Variants in ERAP1 observed in about 807,000 individuals in gnomAD.
ERAP1 encodes adipocyte-derived leucine aminopeptidase.
A neutral mutation model predicts 103.7 loss-of-function variants in ERAP1; 86 were observed. That is an observed-to-expected ratio of 0.83 (90% CI 0.70 to 0.99). The LOEUF is 0.99. Ranked by LOEUF, ERAP1 falls within the 50% of genes least tolerant of loss-of-function variation. The pLI, the probability that ERAP1 is intolerant of heterozygous loss-of-function variation, is 0.00. For synonymous variants in ERAP1, 398 were observed against 402.4 expected, an observed-to-expected ratio of 0.99 and a Z score of 0.13; for missense variants, 1,009 against 1,128.4, an observed-to-expected ratio of 0.89 and a Z score of 1.52.
the ERAP1 span, among the ~76,000 whole-genome samples, chr5:96,819,159 C>T: frequency 1.3e-5 from 2 of 151,876 alleles, no homozygotes; most frequent in Non-Finnish European, 2.9e-5. Context: ...CTCTTGACCT[C>T]GTGATCTGCC....
rs746495624 is a variant in ERAP1 at position 96,783,031 on chromosome 5, G to GT, written c.2285+19dup. 18 of 1,612,988 alleles carry GT rather than the reference G, an allele frequency of 1.1e-5. No individual in the cohort carries two copies. In the South Asian group the frequency reaches 1.9e-4, roughly 17 times the overall value. Reference sequence around the variant, plus strand: ...AGATGCCCTTCACATCAACAAATTGGTTATTTAGTAAGGACTGACCTCAAG... The same window carrying GT: ...AGATGCCCTTCACATCAACAAATTGGTTTATTTAGTAAGGACTGACCTCAAG... On this transcript the variant is annotated intron_variant, in intron 15 of 18. Transcript: ENST00000443439.
At chr5:96,762,337 A>G (rs962850208) in exon 20 of ERAP1, 2 of 1,607,010 alleles carry the variant, frequency 1.2e-6, no homozygotes, top group Non-Finnish European at 1.7e-6. Flanking sequence ...CCCAGCTTCA[A>G]CGACCCAAGC....
the ERAP1 span, chr5:96,889,621 A>G: frequency 4.7e-6 from 3 of 645,116 alleles, no homozygotes; most frequent in Non-Finnish European, 5.6e-6. Context: ...GGGTCCAGGA[A>G]AGAGATGGGG....
At chr5:96,765,622 T>C (rs2150725548) in intron 19 of ERAP1, among the ~76,000 whole-genome samples, 1 of 152,278 alleles carries the variant, frequency 6.6e-6, no homozygotes, top group South Asian at 2.1e-4. Context: ...TTAGCTGTTG[T>C]CCTTCAGGGT....
At position 96,783,941 on chromosome 5, in the gene ERAP1, CTTCA is replaced by C. The variant is rs1775623644; in HGVS notation, c.2079_2082del (p.Asn693LysfsTer14). ...GCTTTTACCTTGAATTGAGTTTCCACTTCATTCATATCTCTTTTCTCCATTAACT... is the reference window on the plus strand; with the variant it reads ...GCTTTTACCTTGAATTGAGTTTCCACTTCATATCTCTTTTCTCCATTAACT... On this transcript the variant is annotated frameshift_variant, in exon 14 of 19. Transcript: ENST00000443439. LOFTEE classifies it high-confidence loss of function. 1.2e-6 allele frequency: 2 copies of C among 1,612,858 alleles called. No individual in the cohort carries two copies. The highest frequency in any genetic ancestry group is 8.5e-7 in the Non-Finnish European group (1 of 1,179,420).
At chr5:96,913,562 T>C in the ERAP1 span, 1 of 1,337,512 alleles carries the variant, frequency 7.5e-7, no homozygotes, top group African/African-American at 1.5e-5. Context: ...ATAATACCAT[T>C]TGTATCCAAA....
At chr5:96,833,235 T>C in the ERAP1 span, among the ~76,000 whole-genome samples, 89 of 152,354 alleles carry the variant, frequency 5.8e-4, 1 homozygote, top group African/African-American at 2.0e-3. Context: ...TTATTCAATC[T>C]GCCAAAGGTG....
At chr5:96,826,931 A>G in the ERAP1 span, among the ~76,000 whole-genome samples, 1 of 152,234 alleles carries the variant, frequency 6.6e-6, no homozygotes, top group Non-Finnish European at 1.5e-5. Flanking sequence ...TATTAGATAT[A>G]TTTTTAGTGC....
upstream of ERAP1, among the ~76,000 whole-genome samples, chr5:96,810,174 C>T (rs754871933): frequency 1.3e-5 from 2 of 152,108 alleles, no homozygotes; most frequent in African/African-American, 2.4e-5. Context: ...CTACAAAGAG[C>T]GATAAGTCAG....
chr5:96,827,255 A>G, the ERAP1 span, among the ~76,000 whole-genome samples: 1 of 152,248 alleles, frequency 6.6e-6, no homozygotes, highest in South Asian at 2.1e-4. Flanking sequence ...CTTTTAATTC[A>G]TAGCCATAAG....
chr5:96,814,199 C>G, the ERAP1 span: 1 of 455,360 alleles, frequency 2.2e-6, no homozygotes, highest in Non-Finnish European at 4.4e-6. Flanking sequence ...CATTGACTAT[C>G]GGATTGAGAA....
the ERAP1 span, among the ~76,000 whole-genome samples, chr5:96,856,349 A>AATATATATATATAT: frequency 7.4e-3 from 63 of 8,532 alleles, no homozygotes; most frequent in East Asian, 0.019. Context: ...AAAAAAAAAA[A>AATATATATATATAT]ATATATATAT....
chr5:96,895,435 GTTAAACAGAAAAACT>G, the ERAP1 span: 1 of 1,051,442 alleles, frequency 9.5e-7, no homozygotes, highest in Non-Finnish European at 1.4e-6. Context: ...TCAAGTGAAT[GTTAAACAGAAAAACT>G]ACATAATGTT....
chr5:96,791,118 C>G (rs952901433), intron 8 of ERAP1, among the ~76,000 whole-genome samples: 2 of 152,176 alleles, frequency 1.3e-5, no homozygotes, highest in Non-Finnish European at 2.9e-5. Flanking sequence ...GCCCAGGCAG[C>G]CTTGAGCATG....
intron 3 of ERAP1, among the ~76,000 whole-genome samples, chr5:96,798,520 A>G (rs561383013): frequency 6.6e-6 from 1 of 152,074 alleles, no homozygotes; most frequent in South Asian, 2.1e-4. Flanking sequence ...AGCTGGGTGA[A>G]ACCATGGTCA....
At chr5:96,915,122 C>T in the ERAP1 span, among the ~76,000 whole-genome samples, 1 of 152,060 alleles carries the variant, frequency 6.6e-6, no homozygotes, top group Non-Finnish European at 1.5e-5. Context: ...ACTCTCCTGC[C>T]TCAGCCTCCT....
the ERAP1 span, among the ~76,000 whole-genome samples, chr5:96,827,780 C>A: frequency 4.6e-5 from 7 of 152,134 alleles, no homozygotes; most frequent in Non-Finnish European, 7.4e-5. Context: ...TGACTTCTAC[C>A]CACTCTATGT....
chr5:96,856,775 C>G, the ERAP1 span, among the ~76,000 whole-genome samples: 3 of 152,200 alleles, frequency 2.0e-5, no homozygotes, highest in Non-Finnish European at 2.9e-5. Flanking sequence ...TCACTGGTCT[C>G]TCCCACTTGA....
chr5:96,768,370 C>T, intron 19 of ERAP1: 2 of 453,398 alleles, frequency 4.4e-6, no homozygotes, highest in South Asian at 1.6e-5. Flanking sequence ...AGGCTTGAGC[C>T]ACTGCGCCTG....
Sources: allele counts gnomAD v4.1 joint callset (sites outside exome capture counted in the v4.1 genomes callset), GRCh38; gene constraint gnomAD v4.1.1; transcripts MANE v1.5; gene names NCBI Gene and HGNC (gene_info 2026-07-23, HGNC 2026-07-21).